Variants in WDR35 observed in about 807,000 individuals in gnomAD.
The protein encoded by WDR35 is WD repeat-containing protein 35.
WDR35 carries 118 observed loss-of-function variants against 158.3 expected under a neutral mutation model. The ratio of observed to expected loss-of-function variants is 0.75; its 90% confidence interval spans 0.64 to 0.87. The LOEUF (loss-of-function observed/expected upper bound fraction) is 0.87. Ranked by LOEUF, WDR35 falls within the 40% of genes least tolerant of loss-of-function variation. The probability of loss-of-function intolerance (pLI) is 0.00; values close to 1 mark genes in which losing one functional copy is unlikely to be tolerated. For synonymous variants in WDR35, 448 were observed against 476.1 expected, an observed-to-expected ratio of 0.94 and a Z score of 0.77; for missense variants, 1,263 against 1,405.8, an observed-to-expected ratio of 0.90 and a Z score of 1.62.
intron 25 of WDR35, among the ~76,000 whole-genome samples, chr2:19,927,339 T>C (rs1335020533): frequency 6.6e-6 from 1 of 152,284 alleles, no homozygotes; most frequent in East Asian, 1.9e-4. Context: ...ATGAACGTAC[T>C]TGTTTAGGAA....
Position 19,937,912 on chromosome 2 carries a change from C to A in WDR35, c.2098G>T (p.Asp700Tyr), listed in dbSNP as rs772885139. Residue 700 changes from aspartate to tyrosine, a missense_variant, in exon 19 of 27, where the codon GAT (aspartate) becomes TAT (tyrosine). Coordinates refer to ENST00000281405, the MANE Select transcript of WDR35 (RefSeq NM_020779.4). ...AATGCTTGCTCTGCAGTGTATAGAT[C>A]CAGTTTCTGAAGAGCTGCTTCAGCC... ...LLAEAALQKLDLYTAEQAFVR... is the reference protein window; with the variant it reads ...LLAEAALQKLYLYTAEQAFVR... 1.9e-6 allele frequency: 3 copies of A among 1,614,062 alleles called. No individual in the cohort carries two copies. The highest frequency in any genetic ancestry group is 2.5e-6 in the Non-Finnish European group (3 of 1,179,994).
At position 19,930,453 on chromosome 2, in the gene WDR35, A is replaced by G. The variant is rs1670490388; in HGVS notation, c.3064T>C (p.Phe1022Leu). 6.2e-7 allele frequency: 1 copy of G among 1,614,190 alleles called. No homozygotes were observed. Among genetic ancestry groups the G allele is most frequent in the African/African-American group, 1.3e-5 (1 of 75,056 alleles). Residue 1022 changes from phenylalanine (F) to leucine (L), a missense_variant, in exon 25 of 27, where the codon TTT becomes CTT. Physicochemically the swap from Phe to Leu is conservative, Grantham distance 22. Transcript: ENST00000281405. Reference protein sequence around the residue: ...AWRGAEAYHFFILAQRQLYEG... With the variant: ...AWRGAEAYHFLILAQRQLYEG... ...TAGAGCTGCCTCTGTGCAAGTATAAAGAAGTGGTAAGCCTCTGCCCCTCTC... is the reference window on the plus strand; with the variant it reads ...TAGAGCTGCCTCTGTGCAAGTATAAGGAAGTGGTAAGCCTCTGCCCCTCTC...
At chr2:19,933,011 G>C (rs913899422) in intron 22 of WDR35, among the ~76,000 whole-genome samples, 1 of 152,168 alleles carries the variant, frequency 6.6e-6, no homozygotes. Context: ...TATTGATAAA[G>C]TAACTCAATT....
chr2:19,913,449 G>T lies in WDR35; in HGVS notation c.*109C>A. ...GCAAAAATTCAACTATAAATAATGA[G>T]GCTGATTTTCATACAAAACTCACAG... On this transcript the variant is annotated 3_prime_UTR_variant, in exon 27 of 27. Transcript: ENST00000281405. The T allele has an allele frequency of 7.1e-7, 1 of 1,402,796 alleles. No homozygotes were observed. 86.9% of individuals were successfully genotyped at this position (1,402,796 alleles called of 1,614,324 possible). A position where few individuals can be genotyped will look rare whatever the true frequency, so the allele number is the denominator to read the frequency against.
intron 10 of WDR35, among the ~76,000 whole-genome samples, chr2:19,962,968 A>T (rs1671711536): frequency 6.6e-6 from 1 of 152,126 alleles, no homozygotes; most frequent in African/African-American, 2.4e-5. Context: ...AGTTCCCCCT[A>T]AGTTCCCATT....
At chr2:19,914,301 G>GT in intron 25 of WDR35, 24 bp from the exon 26 acceptor site, 1 of 1,613,566 alleles carries the variant, frequency 6.2e-7, no homozygotes, top group Non-Finnish European at 8.5e-7. Flanking sequence ...GGCAATTGGG[G>GT]TTTTTTAAAA....
intron 24 of WDR35, 60 bp downstream of exon 24, chr2:19,931,209 C>CTTTTTTTTTTTTTTT: frequency 8.2e-7 from 1 of 1,225,642 alleles, no homozygotes; most frequent in Non-Finnish European, 1.1e-6. Context: ...TTAATAGTTT[C>CTTTTTTTTTTTTTTT]TTTTTTTTTT....
chr2:19,983,996 C>A (rs1375835467), intron 2 of WDR35, among the ~76,000 whole-genome samples: 1 of 146,342 alleles, frequency 6.8e-6, no homozygotes, highest in African/African-American at 2.6e-5. Flanking sequence ...AAAATCCATT[C>A]TAATGCATAT....
chr2:19,921,321 C>T (rs139248295), intron 25 of WDR35, among the ~76,000 whole-genome samples: 132 of 152,244 alleles, frequency 8.7e-4, no homozygotes, highest in African/African-American at 3.1e-3. Flanking sequence ...TAACTGACTA[C>T]GAACTATACT....
intron 2 of WDR35, among the ~76,000 whole-genome samples, chr2:19,986,992 G>C (rs981036068): frequency 6.6e-6 from 1 of 152,216 alleles, no homozygotes; most frequent in Admixed American, 6.5e-5. Flanking sequence ...TAGTAAAAAT[G>C]TGGAGACACC....
chr2:19,955,574 A>G (rs1228493625), intron 11 of WDR35, among the ~76,000 whole-genome samples: 1 of 152,192 alleles, frequency 6.6e-6, no homozygotes, highest in Non-Finnish European at 1.5e-5. Context: ...CGAAATACAT[A>G]AAAGCAAAAA....
At chr2:19,965,016 C>T (rs1241667355) in intron 10 of WDR35, among the ~76,000 whole-genome samples, 2 of 152,094 alleles carry the variant, frequency 1.3e-5, no homozygotes, top group South Asian at 2.1e-4. Context: ...CTCTGCCTCC[C>T]GGGTTCAAGC....
intron 1 of WDR35, 104 bp from the exon 2 acceptor site, chr2:19,989,386 A>AGGCCGGGCGCGGTGGCTC: frequency 9.4e-7 from 1 of 1,067,298 alleles, no homozygotes; most frequent in Non-Finnish European, 1.5e-6. Flanking sequence ...AAGAAAAACG[A>AGGCCGGGCGCGGTGGCTC]ACGGCCTTGC....
At chr2:19,958,832 T>C (rs1671536592) in intron 11 of WDR35, among the ~76,000 whole-genome samples, 1 of 152,130 alleles carries the variant, frequency 6.6e-6, no homozygotes, top group South Asian at 2.1e-4. Flanking sequence ...CAAAAAAGGA[T>C]ACCTAACTCT....
intron 24 of WDR35, 67 bp from the exon 25 acceptor site, chr2:19,930,619 A>G: frequency 6.2e-7 from 1 of 1,602,682 alleles, no homozygotes; most frequent in Non-Finnish European, 8.5e-7. Flanking sequence ...CTCCCAAATA[A>G]CAACAGTCAT....
At chr2:19,964,171 G>A (rs749092306) in intron 10 of WDR35, among the ~76,000 whole-genome samples, 1 of 152,038 alleles carries the variant, frequency 6.6e-6, no homozygotes, top group Non-Finnish European at 1.5e-5. Context: ...TTTCCTCCCT[G>A]AAAGCTTGTA....
chr2:19,983,500 T>C (rs1301303477), intron 2 of WDR35, among the ~76,000 whole-genome samples: 1 of 152,216 alleles, frequency 6.6e-6, no homozygotes, highest in Admixed American at 6.5e-5. Context: ...ACAGAGAATA[T>C]TAAAATGTCA....
rs375397779 is a variant in WDR35, at chr2:19,978,431, T to A, written c.436+320A>T. ...GACCACAGACTTTTTGAAACTAAAG[T>A]CTATATATTTGTACAGACTAACCAA... is the stretch of plus-strand genomic sequence containing the variant. On this transcript the variant is annotated intron_variant, in intron 5 of 26. Coordinates refer to ENST00000281405, the MANE Select transcript of WDR35 (RefSeq NM_020779.4). Among the ~76,000 whole-genome samples the A allele has an allele frequency of 8.5e-5, 13 of 152,254 alleles. No homozygotes were observed. The South Asian group carries it at 2.7e-3, about 32-fold the overall frequency.
chr2:19,956,400 A>G (rs1182355743), intron 11 of WDR35, among the ~76,000 whole-genome samples: 1 of 152,154 alleles, frequency 6.6e-6, no homozygotes, highest in Non-Finnish European at 1.5e-5. Context: ...TCAAGGTAAG[A>G]GTCAGACTTC....
Sources: gnomAD v4.1 joint callset for allele counts (sites outside exome capture counted in the v4.1 genomes callset) on GRCh38, gnomAD v4.1.1 for gene constraint, MANE v1.5 for transcripts, NCBI Gene and HGNC (gene_info 2026-07-23, HGNC 2026-07-21) for gene names.